The following BMPR1A variants were observed in gnomAD, a reference collection of about 807,000 sequenced individuals.
BMPR1A encodes the protein bone morphogenetic protein receptor type 1A.
Under a neutral mutation model 66.0 loss-of-function variants are expected in BMPR1A, and 7 were observed. The ratio of observed to expected loss-of-function variants is 0.11; its 90% confidence interval spans 0.06 to 0.20. The LOEUF is 0.20. BMPR1A is among the 10% of genes least tolerant of loss of function. The pLI, the probability that BMPR1A is intolerant of heterozygous loss-of-function variation, is 1.00. For missense variants in BMPR1A, 408 were observed against 669.1 expected (o/e 0.61, Z 4.31); for synonymous variants, 200 against 229.7 (o/e 0.87, Z 1.17).
chr10:86,762,477 G>A (rs867459749), intron 1 of BMPR1A, among the ~76,000 whole-genome samples: 10 of 152,178 alleles, frequency 6.6e-5, no homozygotes, highest in Non-Finnish European at 1.3e-4. Flanking sequence ...TCCTGGCTCA[G>A]CTTCCCGAGT....
downstream of BMPR1A, chr10:86,931,037 G>C (rs1589296043): frequency 6.6e-6 from 1 of 152,002 alleles, no homozygotes; most frequent in South Asian, 2.1e-4. Flanking sequence ...GACCACCTGA[G>C]GTCAGGAGCA....
At chr10:86,760,220 T>A (rs1200520724) in intron 1 of BMPR1A, among the ~76,000 whole-genome samples, 1 of 131,294 alleles carries the variant, frequency 7.6e-6, no homozygotes, top group East Asian at 2.1e-4. Flanking sequence ...AATACCTTAT[T>A]GTTTTTTCTT....
chr10:86,805,902 T>G (rs112584739), intron 1 of BMPR1A, among the ~76,000 whole-genome samples: 14 of 150,690 alleles, frequency 9.3e-5, no homozygotes, highest in East Asian at 7.7e-4. Context: ...GAGGTGTTTT[T>G]TTTTTTTTTT....
In BMPR1A at chr10:86,916,731, G is replaced by A. The variant is rs190986469; in HGVS notation, c.676-403G>A. On this transcript the variant is annotated intron_variant, in intron 8 of 12. Transcript: ENST00000372037. ...TGGCCGGGCATGGTGGCTCACGCCT[G>A]TAATCCCAGCATTATGGGAGGCCGG... Among the ~76,000 whole-genome samples, 345 of 152,234 alleles carry A rather than the reference G, an allele frequency of 2.3e-3. 2 individuals carry two copies. The highest frequency in any genetic ancestry group is 7.4e-3 in the African/African-American group (308 of 41,534).
At chr10:86,795,020 T>G (rs912242204) in intron 1 of BMPR1A, among the ~76,000 whole-genome samples, 1 of 151,812 alleles carries the variant, frequency 6.6e-6, no homozygotes, top group African/African-American at 2.4e-5. Flanking sequence ...ACTAGCTAAT[T>G]TTGTATTTTT....
At position 86,923,396 on chromosome 10, in the gene BMPR1A, T is replaced by G; in HGVS notation, c.1363T>G (p.Leu455Val). 1.2e-6 allele frequency: 2 copies of G among 1,614,196 alleles called. No individual in the cohort carries two copies. The highest frequency in any genetic ancestry group is 1.7e-6 in the Non-Finnish European group (2 of 1,180,028). Residue 455 changes from leucine (L) to valine (V), a missense_variant, in exon 12 of 13, where the codon TTG becomes GTG. Physicochemically the swap from Leu to Val is conservative, Grantham distance 32. Transcript: ENST00000372037. ...ITGGIVEEYQ[L>V]PYYNMVPSDP... The stretch of plus-strand genomic sequence containing the variant: ...TATAGGGATCGTGGAAGAATACCAA[T>G]TGCCATATTACAACATGGTACCGAG...
At chr10:86,894,220 G>A (rs1386163688) in intron 5 of BMPR1A, among the ~76,000 whole-genome samples, 1 of 152,228 alleles carries the variant, frequency 6.6e-6, no homozygotes, top group East Asian at 1.9e-4. Flanking sequence ...TGAGCCTTCT[G>A]TCCGCTGAAG....
intron 1 of BMPR1A, among the ~76,000 whole-genome samples, chr10:86,787,149 C>G (rs7900751): frequency 0.49 from 73,988 of 151,704 alleles, 18,654 homozygotes; most frequent in East Asian, 0.75. Context: ...TTATAAAGTA[C>G]AATCAATGAT....
At chr10:86,920,562 G>C (rs1021691341) in intron 10 of BMPR1A, among the ~76,000 whole-genome samples, 1 of 152,184 alleles carries the variant, frequency 6.6e-6, no homozygotes, top group Non-Finnish European at 1.5e-5. Context: ...TTCTGAGTCA[G>C]TGTAGTATTT....
intron 1 of BMPR1A, among the ~76,000 whole-genome samples, chr10:86,824,078 G>A (rs1842157432): frequency 2.8e-5 from 2 of 70,782 alleles, no homozygotes; most frequent in Admixed American, 2.7e-4. Flanking sequence ...ATATTACCAA[G>A]GGTTGTGTGT....
chr10:86,833,016 G>A (rs1167033209), intron 1 of BMPR1A, among the ~76,000 whole-genome samples: 1 of 152,122 alleles, frequency 6.6e-6, no homozygotes, highest in Non-Finnish European at 1.5e-5. Context: ...AGACTGAGGC[G>A]GGAGGATTGC....
chr10:86,826,761 CTG>C (rs150938094), intron 1 of BMPR1A, among the ~76,000 whole-genome samples: 8,443 of 151,520 alleles, frequency 0.056, 379 homozygotes, highest in Non-Finnish European at 0.078. Flanking sequence ...ATTTGTGATA[CTG>C]TGTCTTTAAA....
intron 5 of BMPR1A, among the ~76,000 whole-genome samples, chr10:86,896,473 T>C (rs370685161): frequency 1.1e-4 from 17 of 152,288 alleles, no homozygotes; most frequent in African/African-American, 3.6e-4. Context: ...TATGTACTTA[T>C]CTTTGATGTG....
intron 2 of BMPR1A, among the ~76,000 whole-genome samples, chr10:86,848,635 A>C (rs1185481191): frequency 2.0e-5 from 3 of 151,960 alleles, no homozygotes; most frequent in Non-Finnish European, 4.4e-5. Context: ...CCATTCTTCC[A>C]TCTCGGTTAC....
chr10:86,806,562 AT>A (rs1324890063), intron 1 of BMPR1A, among the ~76,000 whole-genome samples: 2 of 151,800 alleles, frequency 1.3e-5, no homozygotes, highest in East Asian at 1.9e-4. Context: ...GTCCTTATGG[AT>A]TTTTTTCATC....
intron 11 of BMPR1A, 93 bp downstream of exon 11, chr10:86,921,788 G>A (rs1423943620): frequency 6.6e-7 from 1 of 1,514,900 alleles, no homozygotes; most frequent in Non-Finnish European, 9.1e-7. Context: ...TTTAATTTTT[G>A]TGGGCACATA....
At chr10:86,852,236 C>T (rs754970443) in intron 2 of BMPR1A, among the ~76,000 whole-genome samples, 13 of 152,030 alleles carry the variant, frequency 8.6e-5, no homozygotes, top group East Asian at 3.9e-4. Context: ...TGTTTTCTGG[C>T]GAGAAAGCAT....
intron 1 of BMPR1A, among the ~76,000 whole-genome samples, chr10:86,773,062 G>T (rs1447730511): frequency 1.3e-5 from 2 of 151,424 alleles, no homozygotes; most frequent in African/African-American, 4.9e-5. Context: ...CTTGAAATTT[G>T]TAGGGGTGGG....
chr10:86,777,239 A>G (rs1411274581), intron 1 of BMPR1A, among the ~76,000 whole-genome samples: 1 of 152,174 alleles, frequency 6.6e-6, no homozygotes, highest in Admixed American at 6.5e-5. Flanking sequence ...GGTTAAATCC[A>G]ACTGTGCCTA....
Sources: gnomAD v4.1 joint callset for allele counts (sites outside exome capture counted in the v4.1 genomes callset) on GRCh38, gnomAD v4.1.1 for gene constraint, MANE v1.5 for transcripts, NCBI Gene and HGNC (gene_info 2026-07-23, HGNC 2026-07-21) for gene names.